PLOD1: variants seen among roughly 807,000 people sequenced by gnomAD.
The protein encoded by PLOD1 is lysine hydroxylase.
In PLOD1, 70 loss-of-function variants were observed where a neutral mutation model predicts 94.7. The ratio of observed to expected loss-of-function variants is 0.74; its 90% confidence interval spans 0.61 to 0.90. The LOEUF (loss-of-function observed/expected upper bound fraction) is 0.90. Among genes scored for constraint, PLOD1 ranks in the 40% least tolerant of loss-of-function variants. PLOD1 has a pLI of 0.00. For missense variants in PLOD1, 905 were observed against 972.7 expected (o/e 0.93, Z 0.93); for synonymous variants, 417 against 400.2 (o/e 1.04, Z -0.50).
In PLOD1 at chr1:11,954,699, T is replaced by C. The variant is rs1473033439; in HGVS notation, c.580-131T>C. On this transcript the variant is annotated intron_variant, in intron 5 of 18. Transcript: ENST00000196061. ...TTCTCTGGGCACCTAGCTGCCCTGATGTGACGTGGCAGAGTCGGTGTGGGG... is the reference window on the plus strand; with the variant it reads ...TTCTCTGGGCACCTAGCTGCCCTGACGTGACGTGGCAGAGTCGGTGTGGGG... 4.7e-5 allele frequency: 38 copies of C among 801,056 alleles called. 1 individual carries two copies. The highest frequency in any genetic ancestry group is 3.0e-4 in the South Asian group (22 of 74,254). 49.6% of individuals were successfully genotyped at this position (801,056 alleles called of 1,614,324 possible).
intron 1 of PLOD1, among the ~76,000 whole-genome samples, chr1:11,935,379 G>A (rs1423581778): frequency 1.3e-5 from 2 of 152,154 alleles, no homozygotes; most frequent in Non-Finnish European, 2.9e-5. Context: ...GGACAGGGGA[G>A]GAATGGGGGT....
rs6658386 is a variant in PLOD1, at chr1:11,969,482, C to T, written c.1756-1188C>T. Among the ~76,000 whole-genome samples, 867 of 152,280 alleles carry T rather than the reference C, an allele frequency of 5.7e-3. 8 individuals carry two copies. The highest frequency in any genetic ancestry group is 0.02 in the African/African-American group (817 of 41,544). ...CCAGAAGCCAGGAACTGGACTAGCC[C>T]GTGCATTCTGGGGGCTGGCTGATGC... On this transcript the variant is annotated intron_variant, in intron 16 of 18. Coordinates refer to ENST00000196061, the MANE Select transcript of PLOD1 (RefSeq NM_000302.4).
intron 1 of PLOD1, among the ~76,000 whole-genome samples, chr1:11,937,239 T>C (rs114348848): frequency 0.03 from 4,628 of 152,306 alleles, 219 homozygotes; most frequent in African/African-American, 0.1. Flanking sequence ...GCTTGCTCTC[T>C]GTGAGGCTTG....
In PLOD1 at chr1:11,949,871, A is replaced by C. The variant is rs7541079; in HGVS notation, c.267A>C (p.Ala89=). The change falls in exon 3 of 19, where the codon GCA becomes GCC. Residue 89 remains alanine (A), a synonymous_variant. Coordinates refer to ENST00000196061, the MANE Select transcript of PLOD1 (RefSeq NM_000302.4). ...RLLKKALEKH[A]DKEDLVILFA... ...TGAAGAAAGCTCTGGAGAAGCACGC[A>C]GACAAGGAGGATCTGGTCATTCTCT... 6.2e-7 allele frequency: 1 copy of C among 1,614,148 alleles called. No individual in the cohort carries two copies. The highest frequency in any genetic ancestry group is 1.7e-5 in the Admixed American group (1 of 60,022).
In PLOD1 at chr1:11,975,295, T is replaced by C. The variant is rs1645896340; in HGVS notation, c.*487T>C. ...ATCAGACTCCAAGGGCTGCCCTGAG[T>C]CTGGGACTTCTGCCTCCATGGCTGG... On this transcript the variant is annotated 3_prime_UTR_variant, in exon 19 of 19. Transcript: ENST00000196061. The C allele has an allele frequency of 4.1e-6, 1 of 245,540 alleles. No individual in the cohort carries two copies. The highest frequency in any genetic ancestry group is 2.2e-5 in the African/African-American group (1 of 44,872). The allele number at this position is 245,540 out of a possible 1,614,324, so 15.2% of individuals were successfully genotyped here.
intron 10 of PLOD1, among the ~76,000 whole-genome samples, chr1:11,962,399 C>A (rs879608857): frequency 1.3e-5 from 2 of 150,820 alleles, no homozygotes; most frequent in African/African-American, 2.4e-5. Context: ...GTCTTAGCCT[C>A]CCGAGTAGCT....
intron 17 of PLOD1, chr1:11,971,983 T>C (rs1317764186): frequency 6.7e-6 from 1 of 150,000 alleles, no homozygotes; most frequent in East Asian, 2.0e-4. Context: ...ATCACTCATG[T>C]GTCTGTCCAC....
At chr1:11,942,433 C>T (rs561262016) in intron 1 of PLOD1, among the ~76,000 whole-genome samples, 4 of 152,300 alleles carry the variant, frequency 2.6e-5, no homozygotes, top group South Asian at 2.1e-4. Context: ...TGTACCAATA[C>T]GTCAACTACT....
Position 11,972,784 on chromosome 1 carries a change from A to T in PLOD1, c.1903-88A>T. 6.7e-7 allele frequency: 1 copy of T among 1,485,392 alleles called. No individual in the cohort carries two copies. Among genetic ancestry groups the T allele is most frequent in the Admixed American group, 1.7e-5 (1 of 59,692 alleles). The allele number at this position is 1,485,392 out of a possible 1,614,324, so 92.0% of individuals were successfully genotyped here. A position where few individuals can be genotyped will look rare whatever the true frequency, so the allele number is the denominator to read the frequency against. On this transcript the variant is annotated intron_variant, in intron 17 of 18. Coordinates refer to ENST00000196061, the MANE Select transcript of PLOD1 (RefSeq NM_000302.4). This position sits in a 1 kb window ranked among gnomAD's most constrained non-coding sequence, Gnocchi z 4.6. ...TGTAAGCTGACCTGCAGCAGGCCAG[A>T]CCAGGCCCCATGTGTGCACCCTCCT...
chr1:11,972,501 C>T lies in PLOD1; in HGVS notation c.1903-371C>T, dbSNP rs1052479179. ...CTCCTGACCTCAGGTGATCCGCCCA[C>T]CTTGGCCTCCCAAAGTGCTGGAATT... On this transcript the variant is annotated intron_variant, in intron 17 of 18. Transcript: ENST00000196061. This position sits in a 1 kb window ranked among gnomAD's most constrained non-coding sequence, Gnocchi z 4.6. 3.8e-6 allele frequency: 1 copy of T among 262,514 alleles called. No homozygotes were observed. Among genetic ancestry groups the T allele is most frequent in the Admixed American group, 4.6e-5 (1 of 21,558 alleles). 16.3% of individuals were successfully genotyped at this position (262,514 alleles called of 1,614,324 possible).
chr1:11,939,040 T>C (rs1645598174), intron 1 of PLOD1, among the ~76,000 whole-genome samples: 1 of 152,204 alleles, frequency 6.6e-6, no homozygotes, highest in South Asian at 2.1e-4. Context: ...TTCCTCCCGT[T>C]TGTAGAAACT....
At chr1:11,974,611 G>C (rs375461445) in intron 18 of PLOD1, 42 bp from the exon 19 acceptor site, 40 of 1,590,434 alleles carry the variant, frequency 2.5e-5, no homozygotes, top group Admixed American at 5.1e-5. Context: ...AGACGGGCAG[G>C]GGGGCGGTGG....
At chr1:11,974,607 G>T in intron 18 of PLOD1, 46 bp from the exon 19 acceptor site, 6 of 1,582,486 alleles carry the variant, frequency 3.8e-6, no homozygotes, top group Non-Finnish European at 5.2e-6. Context: ...GAACAGACGG[G>T]CAGGGGGGCG....
chr1:11,965,716 C>T, intron 14 of PLOD1, 123 bp downstream of exon 14: 1 of 668,386 alleles, frequency 1.5e-6, no homozygotes, highest in Non-Finnish European at 2.7e-6. Context: ...TGCCACCCTC[C>T]CTTCACCCCA....
At chr1:11,948,477 G>A (rs1436972791) in intron 2 of PLOD1, among the ~76,000 whole-genome samples, 1 of 152,196 alleles carries the variant, frequency 6.6e-6, no homozygotes, top group African/African-American at 2.4e-5. Context: ...GCTCACGCCT[G>A]TATTCCCAGC....
chr1:11,966,014 C>T (rs1645814443), intron 14 of PLOD1, among the ~76,000 whole-genome samples: 2 of 152,174 alleles, frequency 1.3e-5, no homozygotes, highest in African/African-American at 4.8e-5. Flanking sequence ...GGTGTAAGCA[C>T]ATGCCTGCAC....
At chr1:11,970,853 A>T in intron 17 of PLOD1, 37 bp downstream of exon 17, 14 of 1,252,070 alleles carry the variant, frequency 1.1e-5, no homozygotes, top group East Asian at 5.0e-5. Context: ...ATGCGGGGAC[A>T]GTTGGGTGGG....
In PLOD1 at chr1:11,967,034, T is replaced by A; in HGVS notation, c.1698T>A (p.Cys566Ter). The A allele has an allele frequency of 6.2e-7, 1 of 1,614,084 alleles. No individual in the cohort carries two copies. ...TCCCCATCTTCACGGAGGTGGCCTG[T>A]GATGAGCTGGTGGAGGAGATGGAGC... is the stretch of plus-strand genomic sequence containing the variant. The part of the protein sequence containing the change: ...YWFPIFTEVA[C>*]DELVEEMEHF... Residue 566 changes from cysteine (C) to a stop codon, truncating the protein, a stop_gained, in exon 16 of 19, where the codon TGT (cysteine) becomes TGA (stop). Transcript: ENST00000196061. LOFTEE classifies it high-confidence loss of function.
Position 11,972,983 on chromosome 1 carries a change from G to A in PLOD1, c.2014G>A (p.Gly672Arg), listed in dbSNP as rs759217354. ...FTINIALNRVGVDYEGGGCRF... is the reference protein window; with the variant it reads ...FTINIALNRVRVDYEGGGCRF... ...CATCAACATCGCCCTGAACCGAGTC[G>A]GGGTGGATTACGAGGTGAGCAGGAG... The change falls in exon 18 of 19, where the codon GGG (glycine) becomes AGG (arginine). Residue 672 changes from glycine to arginine, a missense_variant. By Grantham distance (125) the Gly-to-Arg change is moderately radical. Transcript: ENST00000196061. The surrounding 1 kb of genome is among the most constrained non-coding windows in gnomAD (Gnocchi z 4.6). 6.8e-6 allele frequency: 11 copies of A among 1,613,916 alleles called. No homozygotes were observed. Among genetic ancestry groups the A allele is most frequent in the South Asian group, 4.4e-5 (4 of 91,086 alleles).
Sources: allele counts gnomAD v4.1 joint callset (sites outside exome capture counted in the v4.1 genomes callset), GRCh38; gene constraint gnomAD v4.1.1; non-coding constraint Gnocchi (gnomAD v3.1); transcripts MANE v1.5; gene names NCBI Gene and HGNC (gene_info 2026-07-23, HGNC 2026-07-21).